Variants in CRPPA observed in about 807,000 individuals in gnomAD.
CRPPA encodes CDP-L-ribitol pyrophosphorylase A.
A neutral mutation model predicts 52.0 loss-of-function variants in CRPPA; 43 were observed. That is an observed-to-expected ratio of 0.83 (90% confidence interval 0.65 to 1.07). The LOEUF (loss-of-function observed/expected upper bound fraction) is 1.07, where lower values mean the gene tolerates loss of function less well. Ranked by LOEUF, CRPPA falls within the 50% of genes least tolerant of loss-of-function variation. The probability of loss-of-function intolerance (pLI) is 0.00; values close to 1 mark genes in which losing one functional copy is unlikely to be tolerated. For synonymous variants in CRPPA, 250 were observed against 203.5 expected, an observed-to-expected ratio of 1.23 and a Z score of -1.94; for missense variants, 629 against 551.7, an observed-to-expected ratio of 1.14 and a Z score of -1.40.
intron 9 of CRPPA, among the ~76,000 whole-genome samples, chr7:16,159,591 C>T (rs1417982900): frequency 6.6e-6 from 1 of 152,166 alleles, no homozygotes; most frequent in Non-Finnish European, 1.5e-5. Context: ...ACAACATTTT[C>T]TTTATCCAGT....
chr7:16,195,938 C>T (rs1311564744), intron 9 of CRPPA, among the ~76,000 whole-genome samples: 1 of 152,102 alleles, frequency 6.6e-6, no homozygotes, highest in African/African-American at 2.4e-5. Flanking sequence ...AGCATCCCAT[C>T]CCCAAAAAGC....
At chr7:16,358,259 C>T (rs1786356094) in intron 3 of CRPPA, among the ~76,000 whole-genome samples, 2 of 152,002 alleles carry the variant, frequency 1.3e-5, no homozygotes. Flanking sequence ...AACAGAAGCC[C>T]CCTCCTCCCA....
chr7:16,344,328 G>A (rs1417441627), intron 3 of CRPPA, among the ~76,000 whole-genome samples: 1 of 149,184 alleles, frequency 6.7e-6, no homozygotes, highest in African/African-American at 2.5e-5. Flanking sequence ...GGCTTGGGGA[G>A]GCCAAGGCAG....
intron 2 of CRPPA, among the ~76,000 whole-genome samples, chr7:16,391,216 C>T (rs1245441580): frequency 1.3e-5 from 2 of 152,140 alleles, no homozygotes; most frequent in Admixed American, 6.5e-5. Context: ...CGGCCATCTA[C>T]ACAAACATGA....
At chr7:16,244,696 C>CTCTAACTAG (rs1447346793) in intron 8 of CRPPA, among the ~76,000 whole-genome samples, 2 of 152,150 alleles carry the variant, frequency 1.3e-5, no homozygotes, top group South Asian at 4.1e-4. Flanking sequence ...CTTAACTAGT[C>CTCTAACTAG]TCTCCATTGA....
rs953671356 is a variant in CRPPA, at chr7:16,149,350, C to T, written c.1252-57551G>A. 6.6e-5 allele frequency among the ~76,000 whole-genome samples: 10 copies of T among 152,234 alleles called. No individual in the cohort carries two copies. The South Asian group carries it at 1.7e-3, about 25-fold the overall frequency. The stretch of plus-strand genomic sequence containing the variant: ...GTTGAAACATTTTCACTTTATCCTG[C>T]CACTGCATGGAAAGACAGACCAATT... On this transcript the variant is annotated intron_variant, in intron 9 of 9. Transcript: ENST00000407010.
chr7:16,364,801 G>C (rs573354241), intron 3 of CRPPA, among the ~76,000 whole-genome samples: 44 of 152,224 alleles, frequency 2.9e-4, no homozygotes, highest in African/African-American at 1.0e-3. Flanking sequence ...GTCATGGCTT[G>C]ATTTTTATTA....
intron 2 of CRPPA, among the ~76,000 whole-genome samples, chr7:16,379,305 T>A (rs368648050): frequency 1.3e-5 from 2 of 152,214 alleles, no homozygotes; most frequent in South Asian, 2.1e-4. Context: ...GTTGTAGATA[T>A]GTGGCATTAT....
At chr7:16,092,856 A>C (rs888952254) in intron 9 of CRPPA, among the ~76,000 whole-genome samples, 1 of 152,164 alleles carries the variant, frequency 6.6e-6, no homozygotes, top group Non-Finnish European at 1.5e-5. Context: ...TCAATTCTCC[A>C]AGCCACATAG....
intron 8 of CRPPA, among the ~76,000 whole-genome samples, chr7:16,243,119 G>T (rs2128407119): frequency 6.6e-6 from 1 of 152,218 alleles, no homozygotes; most frequent in East Asian, 1.9e-4. Context: ...TGAAACATGG[G>T]GGTGGTTTCC....
chr7:16,299,919 A>AC (rs1784756933), intron 5 of CRPPA, among the ~76,000 whole-genome samples: 1 of 151,466 alleles, frequency 6.6e-6, no homozygotes, highest in Admixed American at 6.6e-5. Flanking sequence ...AATTGTTGAC[A>AC]AAAAAAAAGT....
At chr7:16,417,432 C>T (rs1042358126) in intron 1 of CRPPA, among the ~76,000 whole-genome samples, 32 of 152,252 alleles carry the variant, frequency 2.1e-4, no homozygotes, top group African/African-American at 7.7e-4. Context: ...AAATATGGTA[C>T]GTATACACTA....
chr7:16,189,574 TG>T (rs1781567831), intron 9 of CRPPA, among the ~76,000 whole-genome samples: 1 of 152,196 alleles, frequency 6.6e-6, no homozygotes, highest in Admixed American at 6.6e-5. Flanking sequence ...TACCAAAGAA[TG>T]AATATTCATG....
Position 16,373,223 on chromosome 7 carries a change from G to A in CRPPA, c.684+2869C>T, listed in dbSNP as rs151238230. On this transcript the variant is annotated intron_variant, in intron 3 of 9. Transcript: ENST00000407010. Reference sequence around the variant, plus strand: ...AGGCAGGAGAATCGCTTGAACCCAGGAGGCAGATGTTGCAGTGAGCCAAGA... The same window carrying A: ...AGGCAGGAGAATCGCTTGAACCCAGAAGGCAGATGTTGCAGTGAGCCAAGA... 4.8e-3 allele frequency among the ~76,000 whole-genome samples: 723 copies of A among 152,180 alleles called. 2 individuals are homozygous for A. Among genetic ancestry groups the A allele is most frequent in the African/African-American group, 0.017 (711 of 41,526 alleles).
chr7:16,183,763 A>G (rs763992886), intron 9 of CRPPA, among the ~76,000 whole-genome samples: 8 of 152,100 alleles, frequency 5.3e-5, no homozygotes, highest in Non-Finnish European at 1.0e-4. Context: ...GATAGAACAG[A>G]GAATGCTCAA....
At chr7:16,187,962 C>A (rs1781537835) in intron 9 of CRPPA, among the ~76,000 whole-genome samples, 1 of 151,370 alleles carries the variant, frequency 6.6e-6, no homozygotes. Flanking sequence ...GTGTTTCAGG[C>A]TGTAAGGTGA....
chr7:16,232,051 G>T (rs1253998748), intron 8 of CRPPA, among the ~76,000 whole-genome samples: 1 of 152,170 alleles, frequency 6.6e-6, no homozygotes, highest in Non-Finnish European at 1.5e-5. Context: ...GAGCTTCACA[G>T]TGAGAGAGCT....
intron 5 of CRPPA, among the ~76,000 whole-genome samples, chr7:16,289,830 A>G (rs1336465213): frequency 1.3e-5 from 2 of 152,188 alleles, no homozygotes; most frequent in African/African-American, 4.8e-5. Context: ...AGCCAGAACA[A>G]TCAGGCAAGA....
At chr7:16,336,840 GT>G (rs1372260235) in intron 3 of CRPPA, among the ~76,000 whole-genome samples, 3 of 152,006 alleles carry the variant, frequency 2.0e-5, no homozygotes, top group African/African-American at 7.2e-5. Context: ...GGGTAGCAGG[GT>G]AGCTATACCT....
Sources: gnomAD v4.1 joint callset for allele counts (sites outside exome capture counted in the v4.1 genomes callset) on GRCh38, gnomAD v4.1.1 for gene constraint, MANE v1.5 for transcripts, NCBI Gene and HGNC (gene_info 2026-07-23, HGNC 2026-07-21) for gene names.